SLC12A2: variants seen among roughly 807,000 people sequenced by gnomAD.
SLC12A2 encodes the protein Na-K-2Cl cotransporter 1.
Under a neutral mutation model 136.3 loss-of-function variants are expected in SLC12A2, and 67 were observed. The observed-to-expected ratio is 0.49, with a 90% confidence interval of 0.40 to 0.60. The LOEUF (loss-of-function observed/expected upper bound fraction) is 0.60. Among genes scored for constraint, SLC12A2 ranks in the 20% least tolerant of loss-of-function variants. The pLI, the probability that SLC12A2 is intolerant of heterozygous loss-of-function variation, is 0.00. For missense variants in SLC12A2, 1,322 were observed against 1,534.7 expected, an observed-to-expected ratio of 0.86 and a Z score of 2.32; for synonymous variants, 619 against 562.9, an observed-to-expected ratio of 1.10 and a Z score of -1.41.
chr5:128,175,910 A>G (rs538339937), intron 20 of SLC12A2, among the ~76,000 whole-genome samples: 1 of 152,116 alleles, frequency 6.6e-6, no homozygotes, highest in African/African-American at 2.4e-5. Flanking sequence ...ACAATATTGA[A>G]TGCTATAATA....
chr5:128,138,837 C>CT lies in SLC12A2; in HGVS notation c.1550_1551insT (p.Ile518HisfsTer36). On this transcript the variant is annotated frameshift_variant, in exon 9 of 27. Coordinates refer to ENST00000262461, the MANE Select transcript of SLC12A2 (RefSeq NM_001046.3). LOFTEE classifies it high-confidence loss of function. ...CTTGTCTTCTAGGATCCTCAGTCAG[C>CT]CATACCCAAAGGAACACTCCTAGCC... is the stretch of plus-strand genomic sequence containing the variant. 1 of 1,612,570 alleles carries CT rather than the reference C, an allele frequency of 6.2e-7. No individual in the cohort carries two copies. The highest frequency in any genetic ancestry group is 8.5e-7 in the Non-Finnish European group (1 of 1,179,046).
At chr5:128,139,994 T>A (rs1447767534) in intron 9 of SLC12A2, among the ~76,000 whole-genome samples, 1 of 152,004 alleles carries the variant, frequency 6.6e-6, no homozygotes, top group Non-Finnish European at 1.5e-5. Context: ...CTTGTTTGTT[T>A]TTGTTTTTGT....
intron 13 of SLC12A2, among the ~76,000 whole-genome samples, 155 bp downstream of exon 13, chr5:128,150,253 T>A (rs942293651): frequency 2.0e-5 from 3 of 151,896 alleles, no homozygotes; most frequent in Admixed American, 2.0e-4. Context: ...TTCAAAGATC[T>A]CTTTATCAGT....
At chr5:128,089,932 C>T (rs112344795) in intron 1 of SLC12A2, among the ~76,000 whole-genome samples, 52 of 152,102 alleles carry the variant, frequency 3.4e-4, no homozygotes, top group African/African-American at 4.3e-4. Flanking sequence ...ATGTGTCTCT[C>T]GAGGGTGAGG....
chr5:128,178,442 C>A, intron 21 of SLC12A2, 125 bp from the exon 22 acceptor site: 1 of 571,126 alleles, frequency 1.8e-6, no homozygotes, highest in Non-Finnish European at 2.8e-6. Flanking sequence ...ATGCCGTATA[C>A]AATTGTCTGA....
intron 1 of SLC12A2, chr5:128,109,603 A>G (rs1761070719): frequency 1.3e-6 from 1 of 743,524 alleles, no homozygotes; most frequent in Non-Finnish European, 2.5e-6. Flanking sequence ...GGTTAAAAGC[A>G]GACATCGTCC....
chr5:128,141,858 A>T lies in SLC12A2; in HGVS notation c.1650A>T (p.Gly550=). The T allele has an allele frequency of 6.2e-7, 1 of 1,613,274 alleles. No individual in the cohort carries two copies. Among genetic ancestry groups the T allele is most frequent in the Non-Finnish European group, 8.5e-7 (1 of 1,179,534 alleles). ...CTTGTGTTGTTCGAGATGCCACTGGAAACGTTAATGACACTATCGTAACAG... is the reference window on the plus strand; with the variant it reads ...CTTGTGTTGTTCGAGATGCCACTGGTAACGTTAATGACACTATCGTAACAG... ...VGSCVVRDAT[G]NVNDTIVTEL... is the part of the protein sequence containing the mutation. The change falls in exon 10 of 27, where the codon GGA becomes GGT. Residue 550 remains glycine, a synonymous_variant. Coordinates refer to ENST00000262461, the MANE Select transcript of SLC12A2 (RefSeq NM_001046.3).
intron 19 of SLC12A2, among the ~76,000 whole-genome samples, chr5:128,173,383 T>C (rs1240732419): frequency 1.3e-5 from 2 of 152,232 alleles, no homozygotes; most frequent in Non-Finnish European, 2.9e-5. Context: ...ACGTATCAGT[T>C]TGATGAATAA....
At chr5:128,180,280 G>C (rs369578905) in intron 22 of SLC12A2, among the ~76,000 whole-genome samples, 53 of 151,784 alleles carry the variant, frequency 3.5e-4, no homozygotes, top group African/African-American at 1.1e-3. Context: ...CATTCTTTTG[G>C]GTTATTTTCT....
At chr5:128,184,078 A>G (rs1763792703) in intron 24 of SLC12A2, among the ~76,000 whole-genome samples, 1 of 152,014 alleles carries the variant, frequency 6.6e-6, no homozygotes, top group South Asian at 2.1e-4. Flanking sequence ...TCCATTAGAC[A>G]TCGTATTGGT....
At chr5:128,154,603 G>C (rs1222786566) in intron 15 of SLC12A2, among the ~76,000 whole-genome samples, 1 of 152,100 alleles carries the variant, frequency 6.6e-6, no homozygotes, top group Non-Finnish European at 1.5e-5. Flanking sequence ...TAGCATGCTT[G>C]TCTTGCTGCA....
chr5:128,114,425 C>A (rs1761271646), intron 3 of SLC12A2, 138 bp downstream of exon 3: 1 of 819,440 alleles, frequency 1.2e-6, no homozygotes, highest in Non-Finnish European at 2.0e-6. Context: ...CTTGATGTTC[C>A]TTTTTTCATA....
chr5:128,113,915 ATATATCT>A (rs1228454888), intron 2 of SLC12A2, among the ~76,000 whole-genome samples: 1 of 152,220 alleles, frequency 6.6e-6, no homozygotes. Context: ...AATTTTAAAA[ATATATCT>A]TGTATCTTTC....
At chr5:128,110,393 C>T in intron 1 of SLC12A2, 1 of 1,021,158 alleles carries the variant, frequency 9.8e-7, no homozygotes, top group East Asian at 2.4e-5. Context: ...AAAGCAAAAA[C>T]TCCACAGCTG....
chr5:128,126,966 A>ATATATATATATATATATATATAATTTTT lies in SLC12A2; in HGVS notation c.1049-4100_1049-4099insATATATATATATATATATATAATTTTTT. Among the ~76,000 whole-genome samples, 23 of 21,154 alleles carry ATATATATATATATATATATATAATTTTT rather than the reference A, an allele frequency of 1.1e-3. 2 individuals are homozygous for ATATATATATATATATATATATAATTTTT. Among genetic ancestry groups the ATATATATATATATATATATATAATTTTT allele is most frequent in the African/African-American group, 2.7e-3 (11 of 4,028 alleles). 13.9% of individuals were successfully genotyped at this position (21,154 alleles called of 152,430 possible). A position where few individuals can be genotyped will look rare whatever the true frequency, so the allele number is the denominator to read the frequency against. ...CATATATATATATATATATATATAT[A>ATATATATATATATATATATATAATTTTT]TTTTTTTTTTTTTTTTTTTTTGCAT... On this transcript the variant is annotated intron_variant, in intron 4 of 26. Coordinates refer to ENST00000262461, the MANE Select transcript of SLC12A2 (RefSeq NM_001046.3).
In SLC12A2 at chr5:128,177,005, ATAT is replaced by A. The variant is rs878951234; in HGVS notation, c.2930-96_2930-94del. 7 of 654,718 alleles carry A rather than the reference ATAT, an allele frequency of 1.1e-5. No homozygotes were observed. The African/African-American group carries it at 1.4e-4, about 13-fold the overall frequency. The allele number at this position is 654,718 out of a possible 1,614,324, so 40.6% of individuals were successfully genotyped here. ...TTATTTTTCAGTGGACTGCTGCTTC[ATAT>A]TATATTTTGTTTATAAATGTGCTCT... On this transcript the variant is annotated intron_variant, in intron 20 of 26. Coordinates refer to ENST00000262461, the MANE Select transcript of SLC12A2 (RefSeq NM_001046.3).
chr5:128,153,447 T>C (rs1762771182), intron 15 of SLC12A2, among the ~76,000 whole-genome samples: 1 of 152,058 alleles, frequency 6.6e-6, no homozygotes, highest in Non-Finnish European at 1.5e-5. Flanking sequence ...CCCAGCTACT[T>C]GGGAGGCTGA....
chr5:128,140,619 C>T (rs578086482), intron 9 of SLC12A2, among the ~76,000 whole-genome samples: 1 of 150,068 alleles, frequency 6.7e-6, no homozygotes, highest in Non-Finnish European at 1.5e-5. Context: ...GGGGTAACCC[C>T]TTGATGCTGA....
rs745507785 is a variant in SLC12A2, at chr5:128,186,532, T to G, written c.3540T>G (p.Ser1180Arg). Residue 1180 changes from serine to arginine, a missense_variant, in exon 27 of 27, where the codon AGT (serine) becomes AGG (arginine). Transcript: ENST00000262461. ...LPVARKGAVS[S>R]ALYMAWLEAL... The stretch of plus-strand genomic sequence containing the variant: ...TTGCACGAAAAGGTGCTGTGTCTAG[T>G]GCTCTCTACATGGCATGGTTAGAAG... 1.2e-6 allele frequency: 2 copies of G among 1,613,818 alleles called. No homozygotes were observed. The highest frequency in any genetic ancestry group is 2.2e-5 in the South Asian group (2 of 91,052).
Sources: gnomAD v4.1 joint callset for allele counts (sites outside exome capture counted in the v4.1 genomes callset) on GRCh38, gnomAD v4.1.1 for gene constraint, MANE v1.5 for transcripts, NCBI Gene and HGNC (gene_info 2026-07-23, HGNC 2026-07-21) for gene names.